The following CLEC12A variants were observed in gnomAD, a reference collection of about 807,000 sequenced individuals.
The protein encoded by CLEC12A is C-type lectin protein CLL-1.
In CLEC12A, 22 loss-of-function variants were observed where a neutral mutation model predicts 26.5. That is an observed-to-expected ratio of 0.83 (90% CI 0.59 to 1.19). The LOEUF (loss-of-function observed/expected upper bound fraction) is 1.19, where lower values mean the gene tolerates loss of function less well. Among genes scored for constraint, CLEC12A ranks in the 50% most tolerant of loss-of-function variants. CLEC12A has a pLI of 0.00. For synonymous variants in CLEC12A, 119 were observed against 101.9 expected, an observed-to-expected ratio of 1.17 and a Z score of -1.01; for missense variants, 353 against 315.6, an observed-to-expected ratio of 1.12 and a Z score of -0.90.
rs907584731 is a variant in CLEC12A at position 9,980,855 on chromosome 12, T to C, written c.531+122T>C. The C allele has an allele frequency of 1.8e-5, 17 of 957,396 alleles. No homozygotes were observed. The Admixed American group carries it at 4.4e-4, about 25-fold the overall frequency. 59.3% of individuals were successfully genotyped at this position (957,396 alleles called of 1,614,324 possible). The stretch of plus-strand genomic sequence containing the variant: ...GTTGGGGTGTGAAGTGACTGAAACT[T>C]TGTACACTTATCTCAAGATATCATA... On this transcript the variant is annotated intron_variant, in intron 4 of 5. Transcript: ENST00000304361.
chr12:9,968,458 C>T (rs1433909949), upstream of CLEC12A, among the ~76,000 whole-genome samples: 3 of 151,674 alleles, frequency 2.0e-5, no homozygotes, highest in Admixed American at 1.3e-4. Flanking sequence ...CTCTGGCGGG[C>T]AGGAGTGGGG....
chr12:9,989,146 A>G (rs1350948768), downstream of CLEC12A, among the ~76,000 whole-genome samples: 2 of 143,930 alleles, frequency 1.4e-5, no homozygotes, highest in African/African-American at 5.1e-5. Context: ...TCTCACTCAT[A>G]GGTGGGAATT....
At chr12:9,968,282 G>A (rs483576), upstream of CLEC12A, among the ~76,000 whole-genome samples, 87,430 of 151,888 alleles carry the variant, frequency 0.58, 25,497 homozygotes, top group South Asian at 0.72. Flanking sequence ...ACTCGCATCC[G>A]TGTGAAGAGA....
At chr12:9,984,251 T>C (rs1864681959) in intron 5 of CLEC12A, 1 of 152,508 alleles carries the variant, frequency 6.6e-6, no homozygotes, top group Non-Finnish European at 1.5e-5. Flanking sequence ...ATTGATGAAC[T>C]TATTTACTGG....
At chr12:9,969,117 G>C (rs113779942), upstream of CLEC12A, among the ~76,000 whole-genome samples, 131 of 152,288 alleles carry the variant, frequency 8.6e-4, no homozygotes, top group African/African-American at 3.1e-3. Flanking sequence ...GGGGGATAAA[G>C]ATAAGTTGGT....
chr12:9,961,699 A>C (rs1863831345), intron 1 of CLEC12A, among the ~76,000 whole-genome samples: 1 of 150,684 alleles, frequency 6.6e-6, no homozygotes, highest in South Asian at 2.1e-4. Flanking sequence ...TTCTGTTTTT[A>C]ATACATAAGG....
intron 1 of CLEC12A, among the ~76,000 whole-genome samples, chr12:9,977,867 G>A (rs1454917593): frequency 1.3e-5 from 2 of 151,936 alleles, no homozygotes; most frequent in African/African-American, 4.8e-5. Context: ...TTGAATAATT[G>A]AACTTTTTAA....
At chr12:9,997,427 G>A, downstream of CLEC12A, 2 of 697,484 alleles carry the variant, frequency 2.9e-6, no homozygotes, top group Middle Eastern at 4.1e-4. Flanking sequence ...TGAAAAGTGT[G>A]GAGGGGCTAT....
intron 1 of CLEC12A, among the ~76,000 whole-genome samples, chr12:9,974,261 TCTC>T (rs1864245417): frequency 1.3e-5 from 2 of 152,272 alleles, no homozygotes; most frequent in East Asian, 3.9e-4. Context: ...CATGCCTGCC[TCTC>T]CTCATTCTTT....
chr12:9,969,101 G>A (rs1591819866), upstream of CLEC12A, among the ~76,000 whole-genome samples: 1 of 152,138 alleles, frequency 6.6e-6, no homozygotes, highest in African/African-American at 2.4e-5. Context: ...CTTAGAAAGG[G>A]GTGGTGGGGG....
chr12:9,953,331 G>T (rs1863672254), intron 1 of CLEC12A: 1 of 21,200 alleles, frequency 4.7e-5, no homozygotes, highest in African/African-American at 1.8e-4. Flanking sequence ...CCCCCGCCCA[G>T]CCAGCTGCCC....
the CLEC12A span, among the ~76,000 whole-genome samples, chr12:10,005,055 A>G: frequency 2.0e-5 from 3 of 152,118 alleles, no homozygotes; most frequent in African/African-American, 4.8e-5. Flanking sequence ...AATGTTAAGT[A>G]TATCTACTAT....
chr12:9,962,253 CTT>C (rs71049021), intron 1 of CLEC12A, among the ~76,000 whole-genome samples: 2,745 of 119,192 alleles, frequency 0.023, 24 homozygotes, highest in Non-Finnish European at 0.029. Flanking sequence ...CCGGTTTTTT[CTT>C]TTTTTTTTTT....
At chr12:9,987,395 A>G (rs1024008308), downstream of CLEC12A, among the ~76,000 whole-genome samples, 2 of 152,182 alleles carry the variant, frequency 1.3e-5, no homozygotes, top group African/African-American at 4.8e-5. Flanking sequence ...TCTCTGTTCA[A>G]TATTGTCATT....
chr12:9,975,266 G>C (rs1282563226), intron 1 of CLEC12A, among the ~76,000 whole-genome samples: 3 of 152,194 alleles, frequency 2.0e-5, no homozygotes, highest in Admixed American at 6.5e-5. Flanking sequence ...GCAGAGGTTG[G>C]AATACTTTGG....
intron 1 of CLEC12A, among the ~76,000 whole-genome samples, chr12:9,955,371 G>C (rs1413562426): frequency 6.6e-6 from 1 of 152,166 alleles, no homozygotes; most frequent in Non-Finnish European, 1.5e-5. Context: ...ACAGGTGTAA[G>C]CAATCATGCC....
In CLEC12A at chr12:9,971,653, AAAAATCCCAG is replaced by A. The variant is rs1405642423; in HGVS notation, c.61_70del (p.Ile21LeufsTer23). On this transcript the variant is annotated frameshift_variant, in exon 1 of 6. Transcript: ENST00000304361. LOFTEE classifies it high-confidence loss of function. ...AATTCCAGAACTCCAGTGAGATGGA[AAAAATCCCAG>A]AAATTGGCAAATTTGGGGAAAAAGG... 6.2e-7 allele frequency: 1 copy of A among 1,610,672 alleles called. No homozygotes were observed. Among genetic ancestry groups the A allele is most frequent in the Non-Finnish European group, 8.5e-7 (1 of 1,178,304 alleles).
At chr12:9,966,785 G>A (rs986659258), upstream of CLEC12A, among the ~76,000 whole-genome samples, 2 of 138,416 alleles carry the variant, frequency 1.4e-5, no homozygotes, top group African/African-American at 2.7e-5. Context: ...GTCGGGAGCA[G>A]ATTGGGTAAT....
chr12:10,000,963 G>C, the CLEC12A span, among the ~76,000 whole-genome samples: 7 of 152,150 alleles, frequency 4.6e-5, no homozygotes, highest in African/African-American at 1.7e-4. Context: ...AGAGAGAAAA[G>C]AAAATGTGTG....
Sources: allele counts gnomAD v4.1 joint callset (sites outside exome capture counted in the v4.1 genomes callset), GRCh38; gene constraint gnomAD v4.1.1; transcripts MANE v1.5; gene names NCBI Gene and HGNC (gene_info 2026-07-23, HGNC 2026-07-21).